GNS: variants seen among roughly 807,000 people sequenced by gnomAD.
GNS encodes glucosamine (N-acetyl)-6-sulfatase.
In GNS, 40 loss-of-function variants were observed where a neutral mutation model predicts 69.7. The ratio of observed to expected loss-of-function variants is 0.57; its 90% CI spans 0.45 to 0.75. GNS has a LOEUF of 0.75. Among genes scored for constraint, GNS ranks in the 30% least tolerant of loss-of-function variants. The pLI is 0.00. For missense variants in GNS, 565 were observed against 685.5 expected (o/e 0.82, Z 1.96); for synonymous variants, 243 against 251.6 (o/e 0.97, Z 0.32).
chr12:64,728,901 A>T (rs977264884), intron 10 of GNS, 55 bp downstream of exon 10: 1 of 843,028 alleles, frequency 1.2e-6, no homozygotes, highest in East Asian at 2.4e-5. Context: ...GTCTTTACAC[A>T]ACCCAGAATT....
chr12:64,722,084 G>A (rs1033834625), intron 11 of GNS, among the ~76,000 whole-genome samples: 2 of 151,256 alleles, frequency 1.3e-5, no homozygotes, highest in African/African-American at 4.9e-5. Context: ...GAGTGCAGTC[G>A]TGCGATCTCA....
intron 1 of GNS, among the ~76,000 whole-genome samples, chr12:64,758,363 G>A (rs1461420504): frequency 2.3e-5 from 3 of 131,476 alleles, no homozygotes; most frequent in African/African-American, 5.9e-5. Flanking sequence ...TCGCTCTGTC[G>A]CCAGGCTGGA....
In GNS at chr12:64,756,613, G is replaced by T. The variant is rs141658093; in HGVS notation, c.192+2472C>A. The T allele has an allele frequency of 2.2e-3, 1,574 of 709,236 alleles. 4 individuals carry two copies. Among genetic ancestry groups the T allele is most frequent in the Non-Finnish European group, 2.9e-3 (1,168 of 400,514 alleles). 43.9% of individuals were successfully genotyped at this position (709,236 alleles called of 1,614,324 possible). A position where few individuals can be genotyped will look rare whatever the true frequency, so the allele number is the denominator to read the frequency against. On this transcript the variant is annotated intron_variant, in intron 1 of 13. Coordinates refer to ENST00000258145, the MANE Select transcript of GNS (RefSeq NM_002076.4). ...TTTCCTTTTAAGATAAGGATACTAT[G>T]TACAGCAGAGGACTCCTGTGATGAC... is the stretch of plus-strand genomic sequence containing the variant.
chr12:64,721,581 G>A lies in GNS; in HGVS notation c.1419+14C>T, dbSNP rs1165944406. The A allele has an allele frequency of 1.2e-5, 15 of 1,217,904 alleles. No homozygotes were observed. The highest frequency in any genetic ancestry group is 1.6e-5 in the Non-Finnish European group (13 of 817,936). 75.4% of individuals were successfully genotyped at this position (1,217,904 alleles called of 1,614,324 possible). On this transcript the variant is annotated intron_variant, in intron 12 of 13. Transcript: ENST00000258145. ...GAAAGGAGCGGGGGAAGTGCAGGCA[G>A]AAGTCCCTCTTACCTCCTGGTCATC...
At chr12:64,756,574 C>A in intron 1 of GNS, 1 of 605,514 alleles carries the variant, frequency 1.7e-6, no homozygotes, top group Non-Finnish European at 2.9e-6. Flanking sequence ...CACTTAACCA[C>A]CTTCCAGTTT....
In GNS at chr12:64,729,052, C is replaced by G. The variant is rs766168524; in HGVS notation, c.1104G>C (p.Leu368=). 1 of 1,546,030 alleles carries G rather than the reference C, an allele frequency of 6.5e-7. No individual in the cohort carries two copies. Among genetic ancestry groups the G allele is most frequent in the Non-Finnish European group, 8.9e-7 (1 of 1,118,030 alleles). The part of the protein sequence containing the change: ...GIKPNQTSKM[L]VANIDLGPTI... Reference sequence around the variant, plus strand: ...TAGGACCCAAGTCAATGTTGGCAACCAGCATCTATGAGAATGAGGGAAAAA... The same window carrying G: ...TAGGACCCAAGTCAATGTTGGCAACGAGCATCTATGAGAATGAGGGAAAAA... The change falls in exon 10 of 14, where the codon CTG becomes CTC. Residue 368 remains leucine (L), a synonymous_variant. Coordinates refer to ENST00000258145, the MANE Select transcript of GNS (RefSeq NM_002076.4).
chr12:64,747,102 T>G (rs769703514), intron 3 of GNS, among the ~76,000 whole-genome samples: 4 of 152,318 alleles, frequency 2.6e-5, no homozygotes, highest in Admixed American at 2.0e-4. Context: ...AATCCAGCCT[T>G]GACAGGTCAC....
intron 8 of GNS, 94 bp downstream of exon 8, chr12:64,739,287 A>G: frequency 1.2e-6 from 1 of 807,946 alleles, no homozygotes; most frequent in Admixed American, 1.7e-5. Context: ...GTCCACAGTT[A>G]TAAAAAGACT....
At chr12:64,732,469 C>CT (rs1315232758) in intron 9 of GNS, among the ~76,000 whole-genome samples, 51 of 137,570 alleles carry the variant, frequency 3.7e-4, no homozygotes, top group African/African-American at 1.0e-3. Flanking sequence ...CGCCCAGCCT[C>CT]TTTTTTTTTG....
chr12:64,752,904 T>C (rs376599599), intron 1 of GNS, 147 bp from the exon 2 acceptor site: 1 of 648,724 alleles, frequency 1.5e-6, no homozygotes. Context: ...TCTTGTATGA[T>C]TCTAGAGACA....
Position 64,759,299 on chromosome 12 carries a change from C to A in GNS, c.-23G>T, listed in dbSNP as rs1171556172. On this transcript the variant is annotated 5_prime_UTR_variant, in exon 1 of 14. Coordinates refer to ENST00000258145, the MANE Select transcript of GNS (RefSeq NM_002076.4). ...CATAGCGGACAGGCTCCGGGGTGAC[C>A]CCGGGACGGGACGGGACGGAGGGAC... The A allele has an allele frequency of 6.8e-7, 1 of 1,470,238 alleles. No individual in the cohort carries two copies. The highest frequency in any genetic ancestry group is 9.0e-7 in the Non-Finnish European group (1 of 1,107,434). 91.1% of individuals were successfully genotyped at this position (1,470,238 alleles called of 1,614,324 possible). A position where few individuals can be genotyped will look rare whatever the true frequency, so the allele number is the denominator to read the frequency against.
At chr12:64,738,786 C>A (rs566815502) in intron 8 of GNS, among the ~76,000 whole-genome samples, 20 of 151,314 alleles carry the variant, frequency 1.3e-4, no homozygotes, top group Middle Eastern at 3.4e-3. Flanking sequence ...GTACTCCAGC[C>A]TGGGTGACAG....
At chr12:64,743,768 G>A (rs1869818189) in intron 5 of GNS, among the ~76,000 whole-genome samples, 1 of 152,196 alleles carries the variant, frequency 6.6e-6, no homozygotes, top group South Asian at 2.1e-4. Context: ...CACTGAAGTA[G>A]CTAAGTGAAT....
intron 13 of GNS, among the ~76,000 whole-genome samples, chr12:64,719,493 C>G (rs1868957838): frequency 2.0e-5 from 3 of 152,186 alleles, no homozygotes; most frequent in African/African-American, 7.2e-5. Flanking sequence ...CAGGTGACAG[C>G]TAAACATCCT....
chr12:64,727,554 C>G (rs937574357), intron 10 of GNS, among the ~76,000 whole-genome samples: 2 of 152,062 alleles, frequency 1.3e-5, no homozygotes, highest in Admixed American at 6.5e-5. Context: ...GAATGTTATT[C>G]GGCAGTAAAA....
At chr12:64,741,321 C>T (rs1007523582) in intron 6 of GNS, among the ~76,000 whole-genome samples, 10 of 151,782 alleles carry the variant, frequency 6.6e-5, no homozygotes, top group African/African-American at 2.4e-4. Context: ...ACACTCCAGC[C>T]CAAGCCCAAG....
At chr12:64,758,870 G>A (rs1336099306) in intron 1 of GNS, among the ~76,000 whole-genome samples, 1 of 152,192 alleles carries the variant, frequency 6.6e-6, no homozygotes, top group Non-Finnish European at 1.5e-5. Flanking sequence ...CAGACTAGAA[G>A]CTCTGTGTGC....
chr12:64,731,320 G>A (rs946870636), intron 9 of GNS, among the ~76,000 whole-genome samples: 5 of 152,102 alleles, frequency 3.3e-5, no homozygotes, highest in South Asian at 2.1e-4. Flanking sequence ...CAAGTGATCC[G>A]CCTGCCCTGG....
intron 9 of GNS, among the ~76,000 whole-genome samples, chr12:64,732,153 ATTTTTTTTTTTTGTTGTTTT>A (rs1364472800): frequency 1.1e-5 from 1 of 88,724 alleles, no homozygotes; most frequent in East Asian, 4.8e-4. Context: ...CACCTGGCTA[ATTTTTTTTTTTTGTTGTTTT>A]TTTTTTTTTT....
Sources: gnomAD v4.1 joint callset for allele counts (sites outside exome capture counted in the v4.1 genomes callset) on GRCh38, gnomAD v4.1.1 for gene constraint, MANE v1.5 for transcripts, NCBI Gene and HGNC (gene_info 2026-07-23, HGNC 2026-07-21) for gene names.